The following PIAS4 variants were observed in gnomAD, a reference collection of about 807,000 sequenced individuals.
PIAS4 encodes E3 SUMO-protein ligase PIAS4.
PIAS4 carries 7 observed loss-of-function variants against 58.0 expected under a neutral mutation model. The observed-to-expected ratio is 0.12, with a 90% CI of 0.07 to 0.23. The LOEUF is 0.23. PIAS4 is among the 10% of genes least tolerant of loss of function. The pLI, the probability that PIAS4 is intolerant of heterozygous loss-of-function variation, is 1.00. For synonymous variants in PIAS4, 364 were observed against 312.4 expected, an observed-to-expected ratio of 1.17 and a Z score of -1.74; for missense variants, 550 against 709.5, an observed-to-expected ratio of 0.78 and a Z score of 2.55.
chr19:4,012,184 T>C (rs1439108259), intron 1 of PIAS4, among the ~76,000 whole-genome samples: 1 of 151,802 alleles, frequency 6.6e-6, no homozygotes, highest in Non-Finnish European at 1.5e-5. Context: ...GATCAGCAGA[T>C]GTTTCGGAGG....
At chr19:4,016,060 G>T (rs558365005) in intron 2 of PIAS4, among the ~76,000 whole-genome samples, 1 of 152,228 alleles carries the variant, frequency 6.6e-6, no homozygotes, top group Non-Finnish European at 1.5e-5. Context: ...CTCCCGAGCC[G>T]ACTGGCTCCT....
At chr19:4,011,641 T>G (rs1470966835) in intron 1 of PIAS4, among the ~76,000 whole-genome samples, 13 of 145,656 alleles carry the variant, frequency 8.9e-5, no homozygotes, top group African/African-American at 2.8e-4. Context: ...GAGGTGTGTT[T>G]GGTGTGGAGG....
Position 4,012,799 on chromosome 19 carries a change from C to A in PIAS4, c.28-124C>A, listed in dbSNP as rs764218011. ...GGGCAGGGCACTCCACCAGCCCCAG[C>A]CAAGGCTGGCGCTTCCTGGCGAGTG... On this transcript the variant is annotated intron_variant, in intron 1 of 10. Coordinates refer to ENST00000262971, the MANE Select transcript of PIAS4 (RefSeq NM_015897.4). The A allele has an allele frequency of 5.4e-6, 6 of 1,114,192 alleles. No individual in the cohort carries two copies. The African/African-American group carries it at 7.8e-5, about 15-fold the overall frequency. 69.0% of individuals were successfully genotyped at this position (1,114,192 alleles called of 1,614,324 possible).
chr19:4,033,593 C>T lies in PIAS4; in HGVS notation c.1142+13C>T, dbSNP rs1043174528. The T allele has an allele frequency of 3.1e-6, 5 of 1,590,900 alleles. No individual in the cohort carries two copies. The African/African-American group carries it at 4.0e-5, about 13-fold the overall frequency. ...TCATCATCGACGGGTGAGCCCGGGGCCCCGGGGAGGGCGGCCGGAGCCGGA... is the reference window on the plus strand; with the variant it reads ...TCATCATCGACGGGTGAGCCCGGGGTCCCGGGGAGGGCGGCCGGAGCCGGA... On this transcript the variant is annotated intron_variant, in intron 9 of 10. Coordinates refer to ENST00000262971, the MANE Select transcript of PIAS4 (RefSeq NM_015897.4).
intron 9 of PIAS4, among the ~76,000 whole-genome samples, chr19:4,036,365 A>C (rs1046519948): frequency 8.0e-6 from 1 of 124,808 alleles, no homozygotes; most frequent in Non-Finnish European, 1.8e-5. Context: ...ACATCTATAC[A>C]GTCCACACCG....
chr19:4,033,011 G>T, intron 7 of PIAS4, 89 bp from the exon 8 acceptor site: 1 of 1,024,532 alleles, frequency 9.8e-7, no homozygotes. Flanking sequence ...TCTGGGAGGT[G>T]GACGTCAGTG....
Position 4,011,799 on chromosome 19 carries a change from T to C in PIAS4, c.28-1124T>C, listed in dbSNP as rs1459617468. 3.3e-4 allele frequency among the ~76,000 whole-genome samples: 9 copies of C among 27,240 alleles called. 2 individuals carry two copies. The East Asian group carries it at 9.2e-3, about 28-fold the overall frequency. The allele number at this position is 27,240 out of a possible 152,430, so 17.9% of individuals were successfully genotyped here. A position where few individuals can be genotyped will look rare whatever the true frequency, so the allele number is the denominator to read the frequency against. On this transcript the variant is annotated intron_variant, in intron 1 of 10. Transcript: ENST00000262971. ...GTGGGGTGTGGAGGTGTGTGGGGTG[T>C]GGAGGTGTGTGGGGTGTGGAGGTGT...
At position 4,013,261 on chromosome 19, in the gene PIAS4, G is replaced by C. The variant is rs1188758491; in HGVS notation, c.366G>C (p.Leu122Phe). ...YGKYLNGLGR[L>F]PAKTLKPEVR... ...AGTACTTAAACGGACTGGGACGGTTGCCCGCCAAGACCCTCAAGCCAGAAG... is the reference window on the plus strand; with the variant it reads ...AGTACTTAAACGGACTGGGACGGTTCCCCGCCAAGACCCTCAAGCCAGAAG... Residue 122 changes from leucine to phenylalanine, a missense_variant, in exon 2 of 11, where the codon TTG becomes TTC. Leu to Phe is a conservative substitution (Grantham distance 22). Around this residue, in one of 4 missense-constraint regions of PIAS4, gnomAD observed 95 missense variants for 87.5 expected, o/e 1.09. Transcript: ENST00000262971. This position sits in a 1 kb window ranked among gnomAD's most constrained non-coding sequence, Gnocchi z 5.1. 19 of 1,613,198 alleles carry C rather than the reference G, an allele frequency of 1.2e-5. No individual in the cohort carries two copies. The highest frequency in any genetic ancestry group is 1.6e-5 in the Non-Finnish European group (19 of 1,180,002).
At chr19:4,012,292 C>T (rs1424555157) in intron 1 of PIAS4, among the ~76,000 whole-genome samples, 3 of 152,064 alleles carry the variant, frequency 2.0e-5, no homozygotes, top group African/African-American at 7.3e-5. Flanking sequence ...AATCTTGGCG[C>T]TGCCACCTCT....
rs748693167 is a variant in PIAS4 at position 4,013,081 on chromosome 19, C to T, written c.186C>T (p.Tyr62=). Residue 62 remains tyrosine, a synonymous_variant, in exon 2 of 11, where the codon TAC becomes TAT. Transcript: ENST00000262971. The surrounding 1 kb of genome is among the most constrained non-coding windows in gnomAD (Gnocchi z 5.1). ...PELFKKIKEL[Y]ETRYAKKNSE... ...TGTTCAAGAAGATCAAGGAGCTGTA[C>T]GAGACCCGCTACGCCAAGAAGAACT... 2.5e-5 allele frequency: 40 copies of T among 1,613,312 alleles called. No homozygotes were observed. The highest frequency in any genetic ancestry group is 3.4e-5 in the Non-Finnish European group (40 of 1,180,002).
In PIAS4 at chr19:4,029,497, C is replaced by T. The variant is rs571216129; in HGVS notation, c.907+461C>T. Among the ~76,000 whole-genome samples, 307 of 151,938 alleles carry T rather than the reference C, an allele frequency of 2.0e-3. 2 individuals carry two copies. The highest frequency in any genetic ancestry group is 6.7e-3 in the African/African-American group (278 of 41,490). Reference sequence around the variant, plus strand: ...GCAGTTGCTGTGGGAGGAAGACGGGCGGCGGCGGTCTGACCTCACGTTGGT... The same window carrying T: ...GCAGTTGCTGTGGGAGGAAGACGGGTGGCGGCGGTCTGACCTCACGTTGGT... On this transcript the variant is annotated intron_variant, in intron 7 of 10. Transcript: ENST00000262971.
intron 9 of PIAS4, among the ~76,000 whole-genome samples, chr19:4,036,431 C>T (rs1480421974): frequency 7.1e-6 from 1 of 141,424 alleles, no homozygotes; most frequent in Non-Finnish European, 1.6e-5. Context: ...ACAGTCCACA[C>T]TGTCATACAA....
chr19:4,034,626 C>T (rs1425022693), intron 9 of PIAS4, among the ~76,000 whole-genome samples: 4 of 152,242 alleles, frequency 2.6e-5, no homozygotes, highest in East Asian at 1.9e-4. Flanking sequence ...GCCTGAATGG[C>T]TGCTCTGTTC....
At chr19:4,025,802 G>A (rs1043735481) in intron 3 of PIAS4, among the ~76,000 whole-genome samples, 4 of 152,144 alleles carry the variant, frequency 2.6e-5, no homozygotes, top group East Asian at 1.9e-4. Context: ...GGCTGGGCAC[G>A]GTGGCTCACA....
At chr19:4,022,393 A>G (rs2040119047) in intron 2 of PIAS4, among the ~76,000 whole-genome samples, 1 of 152,038 alleles carries the variant, frequency 6.6e-6, no homozygotes, top group African/African-American at 2.4e-5. Flanking sequence ...TCTGTAGCCC[A>G]GGCTGGAGTG....
At chr19:4,032,715 T>C (rs1455676838) in intron 7 of PIAS4, among the ~76,000 whole-genome samples, 1 of 152,192 alleles carries the variant, frequency 6.6e-6, no homozygotes, top group Non-Finnish European at 1.5e-5. Flanking sequence ...CCCTGCCTCA[T>C]TCCCCGCTGT....
chr19:4,022,167 G>A (rs62131495), intron 2 of PIAS4, among the ~76,000 whole-genome samples: 26,991 of 152,118 alleles, frequency 0.18, 3,619 homozygotes, highest in African/African-American at 0.38. Context: ...TCTTTGGGAG[G>A]ATTTGTCCAT....
chr19:4,007,810 G>A, intron 1 of PIAS4, 23 bp downstream of exon 1: 3 of 1,209,574 alleles, frequency 2.5e-6, no homozygotes, highest in Non-Finnish European at 2.1e-6. Flanking sequence ...TGGCGGCGCC[G>A]GCCGGGGCAA....
rs375573896 is a variant in PIAS4, at chr19:4,037,838, G to C, written c.1496G>C (p.Arg499Pro). Reference protein sequence around the residue: ...EDEEGPRPKRRCPFQKGLVPA... With the variant: ...EDEEGPRPKRPCPFQKGLVPA... Reference sequence around the variant, plus strand: ...GAAGAGGGGCCCCGGCCCAAGCGCCGCTGCCCCTTCCAGAAGGGCCTGGTG... The same window carrying C: ...GAAGAGGGGCCCCGGCCCAAGCGCCCCTGCCCCTTCCAGAAGGGCCTGGTG... The change falls in exon 11 of 11, where the codon CGC becomes CCC. Residue 499 changes from arginine (R) to proline (P), a missense_variant. Coordinates refer to ENST00000262971, the MANE Select transcript of PIAS4 (RefSeq NM_015897.4). This position sits in a 1 kb window ranked among gnomAD's most constrained non-coding sequence, Gnocchi z 5.8. The C allele has an allele frequency of 6.4e-7, 1 of 1,568,460 alleles. No homozygotes were observed. The highest frequency in any genetic ancestry group is 2.3e-5 in the East Asian group (1 of 42,856).
Sources: gnomAD v4.1 joint callset for allele counts (sites outside exome capture counted in the v4.1 genomes callset) on GRCh38, gnomAD v4.1.1 for gene constraint, gnomAD v4.1.1 regional missense constraint, Gnocchi (gnomAD v3.1) non-coding constraint, MANE v1.5 for transcripts, NCBI Gene and HGNC (gene_info 2026-07-23, HGNC 2026-07-21) for gene names.